Variants in CLSTN2 observed in about 807,000 individuals in gnomAD.
The protein encoded by CLSTN2 is calsyntenin 2.
A neutral mutation model predicts 101.2 loss-of-function variants in CLSTN2; 48 were observed. That is an observed-to-expected ratio of 0.47 (90% confidence interval 0.38 to 0.60). The LOEUF is 0.60. Ranked by LOEUF, CLSTN2 falls within the 20% of genes least tolerant of loss-of-function variation. The pLI is 0.00. For missense variants in CLSTN2, 1,160 were observed against 1,238.2 expected, an observed-to-expected ratio of 0.94 and a Z score of 0.95; for synonymous variants, 481 against 463.6, an observed-to-expected ratio of 1.04 and a Z score of -0.48.
At chr3:140,516,264 G>C (rs144735041) in intron 8 of CLSTN2, among the ~76,000 whole-genome samples, 1 of 152,110 alleles carries the variant, frequency 6.6e-6, no homozygotes, top group African/African-American at 2.4e-5. Flanking sequence ...GCAGCTACTT[G>C]GTTGGTGAAT....
chr3:140,562,059 AGAG>A (rs1935926124), intron 12 of CLSTN2, 76 bp from the exon 13 acceptor site: 1 of 1,332,970 alleles, frequency 7.5e-7, no homozygotes, highest in Admixed American at 1.8e-5. Context: ...GTGCAATAAC[AGAG>A]GAGGAAGGTG....
At chr3:140,494,690 G>T (rs1934425392) in intron 8 of CLSTN2, among the ~76,000 whole-genome samples, 1 of 152,124 alleles carries the variant, frequency 6.6e-6, no homozygotes, top group Admixed American at 6.6e-5. Flanking sequence ...ATTCAGCTCT[G>T]ACTTATAAGT....
chr3:139,975,315 C>A (rs964457659), intron 1 of CLSTN2, among the ~76,000 whole-genome samples: 5 of 152,010 alleles, frequency 3.3e-5, no homozygotes, highest in African/African-American at 9.7e-5. Flanking sequence ...TTCTTCAGGC[C>A]CTGGCATGGG....
intron 1 of CLSTN2, among the ~76,000 whole-genome samples, chr3:139,949,467 AG>A (rs1445118021): frequency 6.6e-6 from 1 of 152,154 alleles, no homozygotes; most frequent in African/African-American, 2.4e-5. Flanking sequence ...CATCCCAGGA[AG>A]GGCCCTACTG....
chr3:140,264,678 G>A (rs2086681065), intron 2 of CLSTN2, among the ~76,000 whole-genome samples: 3 of 151,912 alleles, frequency 2.0e-5, no homozygotes, highest in East Asian at 3.9e-4. Context: ...CACTTACATT[G>A]CCTTTCATTG....
intron 12 of CLSTN2, 106 bp from the exon 13 acceptor site, chr3:140,562,032 C>A: frequency 1.0e-6 from 1 of 983,174 alleles, no homozygotes; most frequent in Non-Finnish European, 1.5e-6. Context: ...CTGCTCCTGA[C>A]CCAGCCTTAA....
chr3:140,496,617 T>C (rs1249571205), intron 8 of CLSTN2, among the ~76,000 whole-genome samples: 1 of 152,208 alleles, frequency 6.6e-6, no homozygotes, highest in Admixed American at 6.5e-5. Flanking sequence ...AGATGGCTCT[T>C]AGTATTTTTA....
rs1559797392 is a variant in CLSTN2 at position 140,171,810 on chromosome 3, A to ATAATATATAATATATATAATATG, written c.110-4139_110-4138insATATATAATATATATAATATGTA. ...ATATATAATATATAATATGTATTAT[A>ATAATATATAATATATATAATATG]TATTATATATTATATATAATAACAA... On this transcript the variant is annotated intron_variant, in intron 1 of 16. Transcript: ENST00000458420. Among the ~76,000 whole-genome samples the ATAATATATAATATATATAATATG allele has an allele frequency of 5.2e-4, 47 of 90,470 alleles. 1 individual carries two copies. Among genetic ancestry groups the ATAATATATAATATATATAATATG allele is most frequent in the African/African-American group, 3.0e-3 (41 of 13,792 alleles). 59.4% of individuals were successfully genotyped at this position (90,470 alleles called of 152,430 possible).
chr3:140,269,403 C>T (rs750431809), intron 2 of CLSTN2, among the ~76,000 whole-genome samples: 16 of 152,202 alleles, frequency 1.1e-4, no homozygotes, highest in Non-Finnish European at 2.4e-4. Flanking sequence ...TCTCCTGGCA[C>T]GATGGTGCCT....
chr3:140,346,180 G>C (rs1463001923), intron 2 of CLSTN2, among the ~76,000 whole-genome samples: 1 of 152,168 alleles, frequency 6.6e-6, no homozygotes, highest in South Asian at 2.1e-4. Flanking sequence ...TTATCTGAAA[G>C]GTGTGTATTC....
At chr3:140,198,063 G>A (rs955997484) in intron 2 of CLSTN2, among the ~76,000 whole-genome samples, 1 of 152,140 alleles carries the variant, frequency 6.6e-6, no homozygotes, top group African/African-American at 2.4e-5. Flanking sequence ...CAAAAGCAAT[G>A]GAAAGGTTTT....
In CLSTN2 at chr3:140,563,965, C is replaced by T. The variant is rs770327042; in HGVS notation, c.2487C>T (p.Val829=). The part of the protein sequence containing the change: ...SRSSIQHSSV[V]PSIATVVIII... Reference sequence around the variant, plus strand: ...CGAGTTTTTTCCTTGTTCCAGTGGTCCCAAGCATTGCCACAGTGGTCATCA... The same window carrying T: ...CGAGTTTTTTCCTTGTTCCAGTGGTTCCAAGCATTGCCACAGTGGTCATCA... Residue 829 remains valine, a synonymous_variant, in exon 16 of 17, where the codon GTC becomes GTT. Transcript: ENST00000458420. 3 of 1,613,800 alleles carry T rather than the reference C, an allele frequency of 1.9e-6. No individual in the cohort carries two copies. Among genetic ancestry groups the T allele is most frequent in the Non-Finnish European group, 2.5e-6 (3 of 1,179,806 alleles).
chr3:139,998,277 T>TCAC (rs2006725902), intron 1 of CLSTN2, among the ~76,000 whole-genome samples: 1 of 149,412 alleles, frequency 6.7e-6, no homozygotes, highest in Non-Finnish European at 1.5e-5. Flanking sequence ...AGCAGAGACT[T>TCAC]CACATCTCCC....
At chr3:140,233,496 A>G (rs2107861865) in intron 2 of CLSTN2, among the ~76,000 whole-genome samples, 1 of 152,296 alleles carries the variant, frequency 6.6e-6, no homozygotes, top group Non-Finnish European at 1.5e-5. Flanking sequence ...TTCATTATTT[A>G]TCCCATATTT....
At chr3:140,028,140 T>C (rs1365572619) in intron 1 of CLSTN2, among the ~76,000 whole-genome samples, 1 of 152,186 alleles carries the variant, frequency 6.6e-6, no homozygotes, top group Non-Finnish European at 1.5e-5. Context: ...ACTAGGATGA[T>C]GATCTCTAGG....
chr3:140,524,052 A>G (rs1207601489), intron 8 of CLSTN2, among the ~76,000 whole-genome samples: 1 of 152,270 alleles, frequency 6.6e-6, no homozygotes, highest in Non-Finnish European at 1.5e-5. Context: ...AGACGAAAGC[A>G]TTATCAGAAC....
chr3:140,248,044 A>G (rs866021448), intron 2 of CLSTN2, among the ~76,000 whole-genome samples: 43 of 152,312 alleles, frequency 2.8e-4, no homozygotes, highest in Middle Eastern at 3.4e-3. Flanking sequence ...AAATGCCAGT[A>G]CATTTCAGAC....
intron 2 of CLSTN2, among the ~76,000 whole-genome samples, chr3:140,366,645 T>A (rs1226846395): frequency 6.6e-6 from 1 of 152,086 alleles, no homozygotes; most frequent in African/African-American, 2.4e-5. Context: ...GCTCTGCAAT[T>A]CCCTCCACTC....
At chr3:140,037,946 T>C (rs111659364) in intron 1 of CLSTN2, among the ~76,000 whole-genome samples, 8,088 of 152,308 alleles carry the variant, frequency 0.053, 673 homozygotes, top group African/African-American at 0.17. Context: ...CAGTCTATCA[T>C]TGATGGGCAT....
Sources: gnomAD v4.1 joint callset for allele counts (sites outside exome capture counted in the v4.1 genomes callset) on GRCh38, gnomAD v4.1.1 for gene constraint, MANE v1.5 for transcripts, NCBI Gene and HGNC (gene_info 2026-07-23, HGNC 2026-07-21) for gene names.